The following AP1G1 variants were observed in gnomAD, a reference collection of about 807,000 sequenced individuals.
AP1G1 encodes the protein adaptor related protein complex 1 subunit gamma 1.
Under a neutral mutation model 108.3 loss-of-function variants are expected in AP1G1, and 7 were observed. The observed-to-expected ratio is 0.06, with a 90% CI of 0.04 to 0.12. The LOEUF (loss-of-function observed/expected upper bound fraction) is 0.12, where lower values mean the gene tolerates loss of function less well. Ranked by LOEUF, AP1G1 falls within the 10% of genes least tolerant of loss-of-function variation. AP1G1 has a pLI of 1.00. For synonymous variants in AP1G1, 379 were observed against 353.5 expected (o/e 1.07, Z -0.81); for missense variants, 756 against 1,010.7 (o/e 0.75, Z 3.42).
intron 2 of AP1G1, among the ~76,000 whole-genome samples, chr16:71,781,376 G>A (rs906999346): frequency 2.0e-5 from 3 of 152,042 alleles, no homozygotes; most frequent in Non-Finnish European, 4.4e-5. Context: ...TAAAAATCAC[G>A]TAACTGTCAC....
intron 1 of AP1G1, among the ~76,000 whole-genome samples, chr16:71,798,609 G>A (rs749175437): frequency 1.8e-4 from 27 of 151,112 alleles, no homozygotes; most frequent in Non-Finnish European, 3.1e-4. Context: ...GAGGCCGGGC[G>A]TGGTGCGGTG....
chr16:71,740,554 C>T (rs927332981), intron 19 of AP1G1, among the ~76,000 whole-genome samples: 1 of 152,152 alleles, frequency 6.6e-6, no homozygotes, highest in Non-Finnish European at 1.5e-5. Context: ...TACTAAAATA[C>T]TACACATGTA....
chr16:71,733,011 A>G lies in AP1G1; in HGVS notation c.*47T>C, dbSNP rs1361206875. The G allele has an allele frequency of 1.3e-6, 2 of 1,492,984 alleles. No individual in the cohort carries two copies. Among genetic ancestry groups the G allele is most frequent in the East Asian group, 2.3e-5 (1 of 44,164 alleles). 92.5% of individuals were successfully genotyped at this position (1,492,984 alleles called of 1,614,324 possible). On this transcript the variant is annotated 3_prime_UTR_variant, in exon 23 of 23. Coordinates refer to ENST00000299980, the MANE Select transcript of AP1G1 (RefSeq NM_001128.6). Reference sequence around the variant, plus strand: ...CCAGCAATCACAACCTCCTTCCCAGAGTTCCTTTGATTGAGTGGGATAAAG... The same window carrying G: ...CCAGCAATCACAACCTCCTTCCCAGGGTTCCTTTGATTGAGTGGGATAAAG...
At chr16:71,736,096 C>A (rs1465236770) in intron 21 of AP1G1, among the ~76,000 whole-genome samples, 1 of 10,944 alleles carries the variant, frequency 9.1e-5, no homozygotes, top group Non-Finnish European at 1.3e-4. Context: ...GAGACTCCAT[C>A]TCAAAAAAAA....
chr16:71,746,780 G>T, intron 16 of AP1G1, 88 bp from the exon 17 acceptor site: 2 of 921,990 alleles, frequency 2.2e-6, no homozygotes, highest in South Asian at 1.6e-5. Context: ...AGAATTTTCT[G>T]GTTAAAATAC....
At chr16:71,798,705 T>C (rs2032674515) in intron 1 of AP1G1, among the ~76,000 whole-genome samples, 1 of 151,752 alleles carries the variant, frequency 6.6e-6, no homozygotes, top group African/African-American at 2.4e-5. Flanking sequence ...CTGGCCAACA[T>C]GGCGAATCTC....
At position 71,764,735 on chromosome 16, in the gene AP1G1, C is replaced by A. The variant is rs759710956; in HGVS notation, c.739-9G>T. On this transcript the variant is annotated splice_polypyrimidine_tract_variant and intron_variant, in intron 7 of 22. Transcript: ENST00000299980. ...AACCGCAAAATTCGTACCTAACGTG[C>A]AAAAGATGAGAGGTGTCAACAAATT... is the stretch of plus-strand genomic sequence containing the variant. 3 of 1,592,050 alleles carry A rather than the reference C, an allele frequency of 1.9e-6. No individual in the cohort carries two copies. Among genetic ancestry groups the A allele is most frequent in the Non-Finnish European group, 2.6e-6 (3 of 1,167,440 alleles).
At chr16:71,771,729 G>A (rs891872979) in intron 4 of AP1G1, among the ~76,000 whole-genome samples, 1 of 152,124 alleles carries the variant, frequency 6.6e-6, no homozygotes, top group Non-Finnish European at 1.5e-5. Flanking sequence ...GAGTTTTAAG[G>A]AAGTAAAAAT....
chr16:71,729,374 C>A lies in AP1G1; in HGVS notation c.*3684G>T, dbSNP rs771264345. The A allele has an allele frequency of 6.6e-6, 1 of 151,428 alleles. No individual in the cohort carries two copies. The highest frequency in any genetic ancestry group is 1.5e-5 in the Non-Finnish European group (1 of 67,870). The allele number at this position is 151,428 out of a possible 1,614,324, so 9.4% of individuals were successfully genotyped here. On this transcript the variant is annotated 3_prime_UTR_variant, in exon 23 of 23. Transcript: ENST00000299980. Reference sequence around the variant, plus strand: ...TTCAGAAGCTCTTTCCCATGGGGCCCCCAAATGGAAAACAAAAACAAAACA... The same window carrying A: ...TTCAGAAGCTCTTTCCCATGGGGCCACCAAATGGAAAACAAAAACAAAACA...
chr16:71,796,202 G>A (rs549824290), intron 1 of AP1G1, among the ~76,000 whole-genome samples: 3 of 152,126 alleles, frequency 2.0e-5, no homozygotes, highest in African/African-American at 4.8e-5. Flanking sequence ...TCGAATCACT[G>A]CACTCCAGCC....
intron 9 of AP1G1, among the ~76,000 whole-genome samples, chr16:71,762,374 C>CTGG (rs1413045333): frequency 4.6e-5 from 7 of 152,118 alleles, no homozygotes; most frequent in Non-Finnish European, 7.4e-5. Flanking sequence ...TTGGAATTTC[C>CTGG]TGTGTGACAG....
In AP1G1 at chr16:71,801,128, G is replaced by A. The variant is rs565039569; in HGVS notation, c.-4+7635C>T. ...TTGATACCAGCCAGGCCAACATGGC[G>A]AAACCTCATCTCTACTAAAAATACA... On this transcript the variant is annotated intron_variant, in intron 1 of 22. Coordinates refer to ENST00000299980, the MANE Select transcript of AP1G1 (RefSeq NM_001128.6). Among the ~76,000 whole-genome samples, 217 of 152,174 alleles carry A rather than the reference G, an allele frequency of 1.4e-3. 2 individuals are homozygous for A. Among genetic ancestry groups the A allele is most frequent in the African/African-American group, 4.9e-3 (204 of 41,516 alleles).
intron 6 of AP1G1, 88 bp from the exon 7 acceptor site, chr16:71,765,672 T>G (rs1414456586): frequency 9.7e-7 from 1 of 1,029,556 alleles, no homozygotes; most frequent in Non-Finnish European, 1.5e-6. Context: ...AAAAAGGGTG[T>G]AAGGGTCCCA....
At chr16:71,748,500 C>T (rs1308031027) in intron 15 of AP1G1, 122 bp from the exon 16 acceptor site, 4 of 1,168,200 alleles carry the variant, frequency 3.4e-6, no homozygotes, top group Non-Finnish European at 4.7e-6. Context: ...AAGCCTCTAA[C>T]TCAACCTGTG....
Position 71,734,654 on chromosome 16 carries a change from G to A in AP1G1, c.2322C>T (p.Asn774=), listed in dbSNP as rs1413159177. The change falls in exon 22 of 23, where the codon AAC becomes AAT. Residue 774 remains asparagine (N), a synonymous_variant. Coordinates refer to ENST00000299980, the MANE Select transcript of AP1G1 (RefSeq NM_001128.6). ...TAATGACTTGTGTGATGGTCCCCGT[G>A]TTAAATGCTGGGACAATGCTGCTGC... ...SPSSSIVPAF[N]TGTITQVIKV... is the part of the protein sequence containing the mutation. The A allele has an allele frequency of 6.8e-6, 11 of 1,614,026 alleles. No individual in the cohort carries two copies. The highest frequency in any genetic ancestry group is 8.5e-6 in the Non-Finnish European group (10 of 1,180,008).
At position 71,748,241 on chromosome 16, in the gene AP1G1, C is replaced by T. The variant is rs557612678; in HGVS notation, c.1625+10G>A. ...ACAACCTGTTCACCCTATGTTTCTT[C>T]AATACTCACTTTACAGTACAAGTGA... On this transcript the variant is annotated intron_variant, in intron 16 of 22. Coordinates refer to ENST00000299980, the MANE Select transcript of AP1G1 (RefSeq NM_001128.6). 6.2e-7 allele frequency: 1 copy of T among 1,608,640 alleles called. No homozygotes were observed. Among genetic ancestry groups the T allele is most frequent in the African/African-American group, 1.3e-5 (1 of 74,636 alleles).
Position 71,745,251 on chromosome 16 carries a change from A to C in AP1G1, c.1892T>G (p.Leu631Trp). ...PTSQANDLLD[L>W]LGGNDITPVI... is the part of the protein sequence containing the mutation. ...AGGTGTTATGTCATTTCCTCCCAACAAATCCAATAAATCATTGGCCTAAAC... is the reference window on the plus strand; with the variant it reads ...AGGTGTTATGTCATTTCCTCCCAACCAATCCAATAAATCATTGGCCTAAAC... Residue 631 changes from leucine (L) to tryptophan (W), a missense_variant, in exon 19 of 23, where the codon TTG (leucine) becomes TGG (tryptophan). Physicochemically the swap from Leu to Trp is moderately conservative, Grantham distance 61. Around this residue, in one of 3 missense-constraint regions of AP1G1, gnomAD observed 357 missense variants for 366.5 expected, o/e 0.97. Coordinates refer to ENST00000299980, the MANE Select transcript of AP1G1 (RefSeq NM_001128.6). The C allele has an allele frequency of 6.2e-7, 1 of 1,614,264 alleles. No individual in the cohort carries two copies. Among genetic ancestry groups the C allele is most frequent in the Non-Finnish European group, 8.5e-7 (1 of 1,180,038 alleles).
chr16:71,793,536 A>G (rs971634769), intron 1 of AP1G1, among the ~76,000 whole-genome samples: 1 of 152,170 alleles, frequency 6.6e-6, no homozygotes, highest in African/African-American at 2.4e-5. Flanking sequence ...AAAACAAACA[A>G]ATAAATAAAA....
chr16:71,775,680 A>G (rs950685899), intron 2 of AP1G1, among the ~76,000 whole-genome samples: 4 of 152,246 alleles, frequency 2.6e-5, no homozygotes, highest in African/African-American at 9.6e-5. Flanking sequence ...GAGAGAGGCA[A>G]TAACTAAGTT....
Sources: gnomAD v4.1 joint callset for allele counts (sites outside exome capture counted in the v4.1 genomes callset) on GRCh38, gnomAD v4.1.1 for gene constraint, gnomAD v4.1.1 regional missense constraint, MANE v1.5 for transcripts, NCBI Gene and HGNC (gene_info 2026-07-23, HGNC 2026-07-21) for gene names.